KANK1: variants seen among roughly 807,000 people sequenced by gnomAD.
KANK1 encodes KN motif and ankyrin repeat domains 1, also known as KN motif and ankyrin repeat domain-containing protein 1.
Under a neutral mutation model 106.2 loss-of-function variants are expected in KANK1, and 109 were observed. The ratio of observed to expected loss-of-function variants is 1.03; its 90% CI spans 0.88 to 1.20. The LOEUF is 1.20. Among genes scored for constraint, KANK1 ranks in the 50% most tolerant of loss-of-function variants. KANK1 has a pLI of 0.00. For synonymous variants in KANK1, 873 were observed against 652.2 expected, an observed-to-expected ratio of 1.34 and a Z score of -5.16; for missense variants, 2,399 against 1,710.7, an observed-to-expected ratio of 1.40 and a Z score of -7.10.
At chr9:623,472 C>T (rs562659351) in intron 1 of KANK1, among the ~76,000 whole-genome samples, 1 of 152,008 alleles carries the variant, frequency 6.6e-6, no homozygotes, top group East Asian at 1.9e-4. Flanking sequence ...CACCTATAGT[C>T]TCAGTTACCC....
chr9:677,820 A>G (rs1234846202), intron 2 of KANK1, among the ~76,000 whole-genome samples: 2 of 152,192 alleles, frequency 1.3e-5, no homozygotes, highest in Non-Finnish European at 2.9e-5. Context: ...ATACTGGAGC[A>G]AGTGTAGAAT....
At chr9:498,852 T>C (rs948168268) in intron 3 of KANK1, among the ~76,000 whole-genome samples, 1 of 152,188 alleles carries the variant, frequency 6.6e-6, no homozygotes, top group Non-Finnish European at 1.5e-5. Context: ...ATAGCTACTT[T>C]GGAAAACAGT....
intron 3 of KANK1, chr9:473,415 G>C (rs1379098097): frequency 1.3e-5 from 2 of 152,208 alleles, no homozygotes; most frequent in Non-Finnish European, 2.9e-5. Context: ...ATTTGCAGTT[G>C]AAGTATCAGG....
At chr9:706,914 T>C in intron 2 of KANK1, 2 of 985,444 alleles carry the variant, frequency 2.0e-6, no homozygotes, top group Non-Finnish European at 2.4e-6. Flanking sequence ...TCTGTAGAGA[T>C]GCTTAAAGTG....
intron 1 of KANK1, among the ~76,000 whole-genome samples, chr9:538,340 T>G (rs1484144032): frequency 6.6e-6 from 1 of 152,180 alleles, no homozygotes; most frequent in Non-Finnish European, 1.5e-5. Context: ...CCTGTTTTTT[T>G]GTAAAAAGTT....
chr9:519,150 A>G (rs1294420324), intron 1 of KANK1, among the ~76,000 whole-genome samples: 3 of 151,716 alleles, frequency 2.0e-5, no homozygotes, highest in Non-Finnish European at 4.4e-5. Context: ...TCGGCCTCCC[A>G]AAGTGCTGGG....
At chr9:685,348 TAAAGC>T (rs1818345005) in intron 2 of KANK1, among the ~76,000 whole-genome samples, 1 of 152,164 alleles carries the variant, frequency 6.6e-6, no homozygotes, top group African/African-American at 2.4e-5. Flanking sequence ...TTACCCTAGT[TAAAGC>T]AAGCCATGGC....
At chr9:677,300 C>T (rs1046297406) in intron 2 of KANK1, among the ~76,000 whole-genome samples, 1 of 152,170 alleles carries the variant, frequency 6.6e-6, no homozygotes, top group African/African-American at 2.4e-5. Flanking sequence ...GTAATGTATA[C>T]TCCTCTTGCA....
In KANK1 at chr9:732,367, T is replaced by TTGCCACCTAGGTATG. The variant is rs1832541945; in HGVS notation, c.3006-10_3010dup. On this transcript the variant is annotated splice_polypyrimidine_tract_variant and intron_variant, in intron 5 of 11. Transcript: ENST00000382297. ...CACCTTGCATCTCCTGAAATCCCAA[T>TTGCCACCTAGGTATG]TGCCACCTAGGTATGAAACAACTTC... The TTGCCACCTAGGTATG allele has an allele frequency of 6.2e-7, 1 of 1,602,412 alleles. No homozygotes were observed. The highest frequency in any genetic ancestry group is 8.5e-7 in the Non-Finnish European group (1 of 1,170,498).
At chr9:499,588 C>T (rs2058515823) in intron 3 of KANK1, among the ~76,000 whole-genome samples, 1 of 152,114 alleles carries the variant, frequency 6.6e-6, no homozygotes, top group South Asian at 2.1e-4. Context: ...AATCTTTTAC[C>T]TTGTACTTGA....
intron 1 of KANK1, among the ~76,000 whole-genome samples, chr9:608,964 C>G (rs1250250958): frequency 6.6e-6 from 1 of 152,138 alleles, no homozygotes; most frequent in Non-Finnish European, 1.5e-5. Flanking sequence ...CGTATACTCA[C>G]GCTTGTTGTT....
At chr9:719,791 A>C (rs1200226407) in intron 3 of KANK1, among the ~76,000 whole-genome samples, 1 of 151,938 alleles carries the variant, frequency 6.6e-6, no homozygotes, top group East Asian at 1.9e-4. Context: ...TGTCACCCAG[A>C]CTAGAGTGCA....
At chr9:576,694 C>G (rs568383739) in intron 1 of KANK1, among the ~76,000 whole-genome samples, 22 of 152,114 alleles carry the variant, frequency 1.4e-4, no homozygotes, top group African/African-American at 5.3e-4. Context: ...TCATCTTGAA[C>G]TTGGTGCTTC....
chr9:569,863 A>G (rs1587899810), intron 1 of KANK1, among the ~76,000 whole-genome samples: 1 of 151,346 alleles, frequency 6.6e-6, no homozygotes, highest in African/African-American at 2.4e-5. Context: ...TAGTTCACTT[A>G]TGTTAATTAT....
chr9:535,700 G>A (rs1028141110), intron 1 of KANK1, among the ~76,000 whole-genome samples: 6 of 152,214 alleles, frequency 3.9e-5, no homozygotes, highest in Non-Finnish European at 5.9e-5. Context: ...TGCACAGTAG[G>A]CAGCAAATGG....
intron 1 of KANK1, among the ~76,000 whole-genome samples, chr9:565,555 G>T (rs1817603028): frequency 6.6e-6 from 1 of 152,206 alleles, no homozygotes; most frequent in Non-Finnish European, 1.5e-5. Flanking sequence ...TTCAAGGATA[G>T]TTCGGTGGAC....
In KANK1 at chr9:700,709, A is replaced by G. The variant is rs137965612; in HGVS notation, c.38-10095A>G. ...GCTTCATGTGAGAGGGGACAATAAC[A>G]TTAATGGGAATTAGCAAAGTTCTTC... On this transcript the variant is annotated intron_variant, in intron 2 of 11. Coordinates refer to ENST00000382297, the MANE Select transcript of KANK1 (RefSeq NM_015158.5). Among the ~76,000 whole-genome samples the G allele has an allele frequency of 2.4e-4, 36 of 152,332 alleles. 1 individual carries two copies. Among genetic ancestry groups the G allele is most frequent in the African/African-American group, 8.4e-4 (35 of 41,570 alleles).
chr9:717,560 T>C (rs897432400), intron 3 of KANK1, among the ~76,000 whole-genome samples: 14 of 152,226 alleles, frequency 9.2e-5, no homozygotes, highest in African/African-American at 2.9e-4. Flanking sequence ...AACCTGATAG[T>C]GACCAGAGGT....
At chr9:707,114 G>T in intron 2 of KANK1, 2 of 985,478 alleles carry the variant, frequency 2.0e-6, no homozygotes, top group Non-Finnish European at 2.4e-6. Context: ...AGCGTGGCCG[G>T]CCAAGTTTAC....
Sources: gnomAD v4.1 joint callset for allele counts (sites outside exome capture counted in the v4.1 genomes callset) on GRCh38, gnomAD v4.1.1 for gene constraint, MANE v1.5 for transcripts, NCBI Gene and HGNC (gene_info 2026-07-23, HGNC 2026-07-21) for gene names.